Variants in NINJ2 observed in about 807,000 individuals in gnomAD.
The protein encoded by NINJ2 is ninjurin-2.
Under a neutral mutation model 11.7 loss-of-function variants are expected in NINJ2, and 12 were observed. The observed-to-expected ratio is 1.02, with a 90% CI of 0.66 to 1.66. The LOEUF is 1.66. NINJ2 is among the 40% of genes most tolerant of loss of function. The pLI, the probability that NINJ2 is intolerant of heterozygous loss-of-function variation, is 0.00. For missense variants in NINJ2, 187 were observed against 181.8 expected (o/e 1.03, Z -0.16); for synonymous variants, 93 against 76.8 (o/e 1.21, Z -1.10).
chr12:655,881 C>T (rs1233299856), intron 1 of NINJ2, among the ~76,000 whole-genome samples: 1 of 151,632 alleles, frequency 6.6e-6, no homozygotes, highest in Non-Finnish European at 1.5e-5. Context: ...CCACTGTACT[C>T]CAGCCTGGGT....
chr12:604,739 G>A (rs1232938353), intron 1 of NINJ2, among the ~76,000 whole-genome samples: 1 of 152,192 alleles, frequency 6.6e-6, no homozygotes, highest in Non-Finnish European at 1.5e-5. Flanking sequence ...GGGGACACAA[G>A]TGCAAGGGAG....
intron 1 of NINJ2, among the ~76,000 whole-genome samples, chr12:594,330 A>T (rs1438045201): frequency 2.6e-5 from 4 of 152,250 alleles, no homozygotes; most frequent in Non-Finnish European, 4.4e-5. Context: ...TCTGAAATTA[A>T]ATACACAATG....
At chr12:593,846 T>C (rs1947747319) in intron 1 of NINJ2, among the ~76,000 whole-genome samples, 1 of 152,086 alleles carries the variant, frequency 6.6e-6, no homozygotes, top group African/African-American at 2.4e-5. Flanking sequence ...AGCAGCAGCA[T>C]CACCAACTTA....
intron 1 of NINJ2, among the ~76,000 whole-genome samples, chr12:625,980 C>G (rs147095164): frequency 6.6e-6 from 1 of 152,168 alleles, no homozygotes; most frequent in South Asian, 2.1e-4. Context: ...ATATCATGAT[C>G]GGTGAGGGAT....
chr12:622,434 A>AAAT (rs1206701601), intron 1 of NINJ2, among the ~76,000 whole-genome samples: 64 of 144,324 alleles, frequency 4.4e-4, no homozygotes, highest in African/African-American at 1.5e-3. Flanking sequence ...AAAAAAAAAA[A>AAAT]GGAAAGAAAG....
intron 1 of NINJ2, among the ~76,000 whole-genome samples, chr12:646,398 G>T (rs567302643): frequency 6.6e-6 from 1 of 152,186 alleles, no homozygotes; most frequent in Non-Finnish European, 1.5e-5. Flanking sequence ...GAGCAGCCCA[G>T]GATCCCATTT....
At chr12:610,507 C>T (rs1948014411) in intron 1 of NINJ2, 3 of 1,513,672 alleles carry the variant, frequency 2.0e-6, no homozygotes, top group Middle Eastern at 1.7e-4. Context: ...CCCGTGGGTC[C>T]CCACAGCGGC....
chr12:574,773 AC>A (rs773675144), intron 1 of NINJ2, among the ~76,000 whole-genome samples: 116 of 152,326 alleles, frequency 7.6e-4, no homozygotes, highest in Non-Finnish European at 1.3e-3. Context: ...ACCAAGACAT[AC>A]CCCCAGAAGG....
Position 604,320 on chromosome 12 carries a change from A to T in NINJ2, c.34-38142T>A, listed in dbSNP as rs540377423. Among the ~76,000 whole-genome samples, 35 of 152,314 alleles carry T rather than the reference A, an allele frequency of 2.3e-4. No homozygotes were observed. In the South Asian group the frequency reaches 7.1e-3, roughly 31 times the overall value. On this transcript the variant is annotated intron_variant, in intron 1 of 3. Transcript: ENST00000305108. ...AAATAAGTAGAACGAGGAGTAGTAAATGAATGTCTTGGCCGAGCAATAGAG... is the reference window on the plus strand; with the variant it reads ...AAATAAGTAGAACGAGGAGTAGTAATTGAATGTCTTGGCCGAGCAATAGAG...
intron 1 of NINJ2, among the ~76,000 whole-genome samples, chr12:604,150 C>A (rs1351174744): frequency 3.9e-5 from 6 of 152,204 alleles, no homozygotes; most frequent in Non-Finnish European, 8.8e-5. Context: ...CCGCACAGTT[C>A]TAGGATCAGC....
intron 1 of NINJ2, among the ~76,000 whole-genome samples, chr12:622,348 T>A (rs1217319306): frequency 3.7e-5 from 5 of 136,372 alleles, no homozygotes; most frequent in Non-Finnish European, 1.5e-5. Context: ...AAGCGGAGCT[T>A]GCTGTGAGCT....
At chr12:595,178 G>A (rs996828740) in intron 1 of NINJ2, among the ~76,000 whole-genome samples, 4 of 151,632 alleles carry the variant, frequency 2.6e-5, no homozygotes, top group African/African-American at 7.3e-5. Context: ...TACACGCTTC[G>A]CAAAAGTTAA....
intron 1 of NINJ2, chr12:643,785 A>C (rs1937631179): frequency 9.2e-6 from 6 of 651,262 alleles, no homozygotes; most frequent in Non-Finnish European, 1.1e-5. Flanking sequence ...CTTCCAGTAG[A>C]AACTGTTTTG....
At chr12:632,718 G>C (rs540824790) in intron 1 of NINJ2, 28 of 152,280 alleles carry the variant, frequency 1.8e-4, no homozygotes, top group African/African-American at 5.8e-4. Context: ...GGTGGAGAGA[G>C]GGTTCTAAAG....
chr12:577,416 C>CATATATATATACACATATATATATGT (rs1565621205), intron 1 of NINJ2, among the ~76,000 whole-genome samples: 3 of 121,266 alleles, frequency 2.5e-5, no homozygotes, highest in African/African-American at 9.4e-5. Context: ...ACACTAGTCT[C>CATATATATATACACATATATATATGT]ATATATATAT....
intron 1 of NINJ2, among the ~76,000 whole-genome samples, chr12:636,398 G>GATAA (rs57956621): frequency 0.95 from 142,133 of 150,232 alleles, 67,755 homozygotes; most frequent in East Asian, 1. Context: ...TAAATAAATA[G>GATAA]ATAAATAAAT....
chr12:648,615 G>A (rs549144456), intron 1 of NINJ2, among the ~76,000 whole-genome samples: 1 of 152,292 alleles, frequency 6.6e-6, no homozygotes, highest in South Asian at 2.1e-4. Flanking sequence ...GAAAGGCCTG[G>A]ACAAGGAATA....
chr12:565,637 G>A (rs1947286040), intron 2 of NINJ2: 4 of 610,786 alleles, frequency 6.5e-6, no homozygotes, highest in South Asian at 3.9e-5. Context: ...GGTCCTGTAA[G>A]CGTGGGGACG....
chr12:628,723 C>G lies in NINJ2; in HGVS notation c.33+34605G>C, dbSNP rs931323750. 8.5e-5 allele frequency among the ~76,000 whole-genome samples: 13 copies of G among 152,090 alleles called. No homozygotes were observed. The highest frequency in any genetic ancestry group is 2.9e-4 in the African/African-American group (12 of 41,430). ...GATAAAGCAGGATGCAGTAAGGAAG[C>G]CTGCCAAAACCCACCAAAACCAAGA... On this transcript the variant is annotated intron_variant, in intron 1 of 3. Transcript: ENST00000305108. This position sits in a 1 kb window ranked among gnomAD's most constrained non-coding sequence, Gnocchi z 4.4.
Sources: allele counts gnomAD v4.1 joint callset (sites outside exome capture counted in the v4.1 genomes callset), GRCh38; gene constraint gnomAD v4.1.1; non-coding constraint Gnocchi (gnomAD v3.1); transcripts MANE v1.5; gene names NCBI Gene and HGNC (gene_info 2026-07-23, HGNC 2026-07-21).